The following FGF12 variants were observed in gnomAD, a reference collection of about 807,000 sequenced individuals.
The protein encoded by FGF12 is fibroblast growth factor 12B.
In FGF12, 14 loss-of-function variants were observed where a neutral mutation model predicts 23.6. That is an observed-to-expected ratio of 0.59 (90% CI 0.39 to 0.93). The LOEUF is 0.93. Ranked by LOEUF, FGF12 falls within the 40% of genes least tolerant of loss-of-function variation. FGF12 has a pLI of 0.00. For synonymous variants in FGF12, 62 were observed against 77.3 expected, an observed-to-expected ratio of 0.80 and a Z score of 1.04; for missense variants, 175 against 217.8, an observed-to-expected ratio of 0.80 and a Z score of 1.24.
intron 2 of FGF12, among the ~76,000 whole-genome samples, chr3:192,559,029 T>A (rs966839743): frequency 1.4e-4 from 22 of 151,922 alleles, no homozygotes; most frequent in Admixed American, 1.3e-4. Context: ...CATCTTCATA[T>A]CGCTTTTCAC....
At chr3:192,218,800 C>A (rs1718327059) in intron 4 of FGF12, among the ~76,000 whole-genome samples, 1 of 152,186 alleles carries the variant, frequency 6.6e-6, no homozygotes, top group African/African-American at 2.4e-5. Flanking sequence ...TTTAAAATAA[C>A]CATTTTATTT....
intron 2 of FGF12, among the ~76,000 whole-genome samples, chr3:192,573,523 G>C (rs977422065): frequency 2.0e-5 from 3 of 152,018 alleles, no homozygotes; most frequent in Admixed American, 2.0e-4. Context: ...CTTTGAACTG[G>C]AGCATCAACT....
intron 2 of FGF12, chr3:192,673,288 A>C (rs563064577): frequency 6.6e-6 from 1 of 151,200 alleles, no homozygotes; most frequent in African/African-American, 2.4e-5. Flanking sequence ...GAAAAACGTA[A>C]AGAACACTGT....
At chr3:192,203,076 A>C (rs1020946181) in intron 4 of FGF12, among the ~76,000 whole-genome samples, 1 of 152,160 alleles carries the variant, frequency 6.6e-6, no homozygotes, top group Non-Finnish European at 1.5e-5. Flanking sequence ...GGAGGAAAAG[A>C]CTAGTCAAAG....
intron 3 of FGF12, among the ~76,000 whole-genome samples, chr3:192,343,082 T>A (rs6768245): frequency 0.036 from 5,503 of 152,156 alleles, 338 homozygotes; most frequent in African/African-American, 0.13. Context: ...AAATCCAGTA[T>A]CTTTCCAAGT....
chr3:192,301,249 G>A (rs1409506632), intron 4 of FGF12, among the ~76,000 whole-genome samples: 1 of 152,166 alleles, frequency 6.6e-6, no homozygotes, highest in East Asian at 1.9e-4. Flanking sequence ...CGGGCATGGA[G>A]AAATCATTCC....
At chr3:192,167,735 A>G (rs1238206191) in intron 5 of FGF12, among the ~76,000 whole-genome samples, 1 of 16,878 alleles carries the variant, frequency 5.9e-5, no homozygotes, top group African/African-American at 3.1e-4. Context: ...TTATAGGTAT[A>G]TATATATATA....
At position 192,240,117 on chromosome 3, in the gene FGF12, T is replaced by A. The variant is rs989331357; in HGVS notation, c.229-69461A>T. On this transcript the variant is annotated intron_variant, in intron 4 of 5. Transcript: ENST00000445105. Reference sequence around the variant, plus strand: ...GCATGTTGAATCCCCACCCTTATGGTAATCCATTAGTATGCTGAAGGCTCA... The same window carrying A: ...GCATGTTGAATCCCCACCCTTATGGAAATCCATTAGTATGCTGAAGGCTCA... Among the ~76,000 whole-genome samples, 8 of 152,320 alleles carry A rather than the reference T, an allele frequency of 5.3e-5. No individual in the cohort carries two copies. The East Asian group carries it at 1.5e-3, about 29-fold the overall frequency.
chr3:192,638,090 ATG>A (rs1257985341), intron 2 of FGF12, among the ~76,000 whole-genome samples: 1 of 151,888 alleles, frequency 6.6e-6, no homozygotes, highest in Admixed American at 6.6e-5. Flanking sequence ...TGCCAAAGCT[ATG>A]TGTGTGTGTG....
At chr3:192,503,747 A>C (rs1724206056) in intron 2 of FGF12, among the ~76,000 whole-genome samples, 1 of 151,810 alleles carries the variant, frequency 6.6e-6, no homozygotes, top group South Asian at 2.1e-4. Context: ...CTGGGACTAC[A>C]GGCGCCCGCC....
intron 2 of FGF12, among the ~76,000 whole-genome samples, chr3:192,608,850 G>A (rs1428554293): frequency 6.6e-6 from 1 of 152,076 alleles, no homozygotes; most frequent in African/African-American, 2.4e-5. Flanking sequence ...TCTTTAGGTT[G>A]TTCTAAATTT....
chr3:192,623,315 T>C (rs1427398414), intron 2 of FGF12, among the ~76,000 whole-genome samples: 2 of 152,176 alleles, frequency 1.3e-5, no homozygotes, highest in African/African-American at 4.8e-5. Flanking sequence ...AAATATGCTT[T>C]TTGTGAACAG....
chr3:192,291,397 A>G (rs1714752200), intron 4 of FGF12, among the ~76,000 whole-genome samples: 1 of 152,048 alleles, frequency 6.6e-6, no homozygotes, highest in Non-Finnish European at 1.5e-5. Context: ...CCTGGGCAAC[A>G]CAGTGAGATC....
rs886972238 is a variant in FGF12 at position 192,432,728 on chromosome 3, T to C, written c.14-72190A>G. Among the ~76,000 whole-genome samples the C allele has an allele frequency of 3.3e-5, 5 of 151,878 alleles. No individual in the cohort carries two copies. In the East Asian group the frequency reaches 9.7e-4, roughly 29 times the overall value. ...AATTCTGCCAGCAGCCCGAAAGAAC[T>C]TGCAAGAGGATCTGAGCTCCATGTG... On this transcript the variant is annotated intron_variant, in intron 2 of 5. Coordinates refer to ENST00000445105, the MANE Select transcript of FGF12 (RefSeq NM_004113.6).
chr3:192,489,064 G>C (rs1284783501), intron 2 of FGF12, among the ~76,000 whole-genome samples: 2 of 151,986 alleles, frequency 1.3e-5, no homozygotes, highest in African/African-American at 4.8e-5. Flanking sequence ...CACAATGCTT[G>C]CCTGCGCTCT....
At chr3:192,435,719 A>G (rs1189998416) in intron 2 of FGF12, among the ~76,000 whole-genome samples, 1 of 152,168 alleles carries the variant, frequency 6.6e-6, no homozygotes, top group East Asian at 1.9e-4. Flanking sequence ...TGCTTTTCTG[A>G]TAAAGTATAT....
intron 2 of FGF12, among the ~76,000 whole-genome samples, chr3:192,411,411 C>A (rs530758198): frequency 9.2e-5 from 14 of 152,294 alleles, no homozygotes; most frequent in Non-Finnish European, 1.8e-4. Flanking sequence ...AAGCACACAT[C>A]CCCTGCAGCA....
chr3:192,354,486 T>G (rs759240324), intron 3 of FGF12, among the ~76,000 whole-genome samples: 3 of 150,542 alleles, frequency 2.0e-5, no homozygotes, highest in Middle Eastern at 3.4e-3. Context: ...GGCAACAGAA[T>G]TAGAAAAAAA....
intron 4 of FGF12, among the ~76,000 whole-genome samples, chr3:192,257,292 C>T (rs1712458799): frequency 1.3e-5 from 2 of 152,012 alleles, no homozygotes; most frequent in African/African-American, 4.8e-5. Flanking sequence ...GAATTTATGT[C>T]CTAGTTTTGC....
Sources: gnomAD v4.1 joint callset for allele counts (sites outside exome capture counted in the v4.1 genomes callset) on GRCh38, gnomAD v4.1.1 for gene constraint, MANE v1.5 for transcripts, NCBI Gene and HGNC (gene_info 2026-07-23, HGNC 2026-07-21) for gene names.